Variants in STXBP5L observed in about 807,000 individuals in gnomAD.
STXBP5L encodes syntaxin binding protein 5L.
In STXBP5L, 65 loss-of-function variants were observed where a neutral mutation model predicts 144.5. The ratio of observed to expected loss-of-function variants is 0.45; its 90% CI spans 0.37 to 0.55. The LOEUF is 0.55. Ranked by LOEUF, STXBP5L falls within the 20% of genes least tolerant of loss-of-function variation. STXBP5L has a pLI of 0.00. For synonymous variants in STXBP5L, 505 were observed against 469.6 expected (o/e 1.08, Z -0.97); for missense variants, 1,298 against 1,405.5 (o/e 0.92, Z 1.22).
chr3:121,382,228 T>C lies in STXBP5L; in HGVS notation c.2587+696T>C, dbSNP rs549733569. Among the ~76,000 whole-genome samples, 6 of 152,132 alleles carry C rather than the reference T, an allele frequency of 3.9e-5. No homozygotes were observed. In the East Asian group the frequency reaches 9.7e-4, roughly 24 times the overall value. On this transcript the variant is annotated intron_variant, in intron 22 of 26. Transcript: ENST00000471454. ...TTCAGATAGTTTTTAAGTCAAAAAA[T>C]TTCATTACTCTGCAGGATAAGGGTT...
chr3:121,097,430 G>A (rs1157937985), intron 5 of STXBP5L, among the ~76,000 whole-genome samples: 1 of 152,222 alleles, frequency 6.6e-6, no homozygotes, highest in Non-Finnish European at 1.5e-5. Context: ...GAAACCCAGG[G>A]CCCTGGTGGG....
At chr3:121,066,646 C>T (rs908694644) in intron 5 of STXBP5L, among the ~76,000 whole-genome samples, 1 of 152,012 alleles carries the variant, frequency 6.6e-6, no homozygotes, top group East Asian at 1.9e-4. Context: ...AGATTTTAAT[C>T]TCTATGTTCA....
chr3:121,398,409 G>A (rs957001979), intron 22 of STXBP5L, among the ~76,000 whole-genome samples: 1 of 152,188 alleles, frequency 6.6e-6, no homozygotes, highest in East Asian at 1.9e-4. Context: ...AGGGGTGAGG[G>A]AATGGCCTGA....
chr3:120,999,671 A>G (rs1163361675), intron 3 of STXBP5L, among the ~76,000 whole-genome samples: 2 of 152,116 alleles, frequency 1.3e-5, no homozygotes, highest in African/African-American at 4.8e-5. Flanking sequence ...TTATAGCGTC[A>G]ATGGTCTGTG....
At chr3:121,269,485 G>C (rs2050673912) in intron 18 of STXBP5L, among the ~76,000 whole-genome samples, 1 of 151,912 alleles carries the variant, frequency 6.6e-6, no homozygotes, top group African/African-American at 2.4e-5. Context: ...TCAGAACAAA[G>C]ATAGTTTATT....
intron 9 of STXBP5L, among the ~76,000 whole-genome samples, chr3:121,181,779 AAAC>A (rs2047165573): frequency 6.6e-6 from 1 of 151,906 alleles, no homozygotes; most frequent in African/African-American, 2.4e-5. Context: ...AACAAACAAA[AAAC>A]AACCAAGTGT....
chr3:121,088,112 G>A (rs997860875), intron 5 of STXBP5L, among the ~76,000 whole-genome samples: 5 of 151,590 alleles, frequency 3.3e-5, no homozygotes, highest in African/African-American at 1.2e-4. Flanking sequence ...AAACTAAAGA[G>A]CTTCTGCACA....
intron 16 of STXBP5L, among the ~76,000 whole-genome samples, chr3:121,256,701 A>G (rs1242303362): frequency 6.6e-6 from 1 of 151,942 alleles, no homozygotes; most frequent in Non-Finnish European, 1.5e-5. Context: ...TCATACACAC[A>G]CAAACATACA....
chr3:121,347,391 C>T (rs1053169194), intron 20 of STXBP5L, among the ~76,000 whole-genome samples: 5 of 152,156 alleles, frequency 3.3e-5, no homozygotes, highest in African/African-American at 9.7e-5. Flanking sequence ...TAGCTTGATG[C>T]CTCCAGCTTT....
intron 19 of STXBP5L, among the ~76,000 whole-genome samples, chr3:121,300,592 T>C (rs1273074311): frequency 6.6e-6 from 1 of 151,912 alleles, no homozygotes; most frequent in East Asian, 1.9e-4. Flanking sequence ...AACAAATAGA[T>C]GCACATTATA....
At chr3:121,355,392 C>T (rs1421977120) in intron 20 of STXBP5L, among the ~76,000 whole-genome samples, 5 of 151,966 alleles carry the variant, frequency 3.3e-5, no homozygotes, top group Non-Finnish European at 7.4e-5. Context: ...TTTCTTTTTA[C>T]TCGTTTTTCT....
chr3:121,233,481 T>C (rs2049372059), intron 11 of STXBP5L, 135 bp from the exon 12 acceptor site: 1 of 535,776 alleles, frequency 1.9e-6, no homozygotes, highest in South Asian at 3.8e-5. Flanking sequence ...TCTTTGTTAC[T>C]TCTTACTTTG....
chr3:121,402,522 C>T (rs1036682126), intron 22 of STXBP5L, among the ~76,000 whole-genome samples: 1 of 152,220 alleles, frequency 6.6e-6, no homozygotes, highest in Middle Eastern at 3.4e-3. Flanking sequence ...TTCTTTCATG[C>T]ATTGTCAACT....
At chr3:121,247,761 T>C (rs1323396973) in intron 14 of STXBP5L, among the ~76,000 whole-genome samples, 1 of 152,208 alleles carries the variant, frequency 6.6e-6, no homozygotes, top group Non-Finnish European at 1.5e-5. Flanking sequence ...CCATTGTAAA[T>C]AGCATGGCAA....
intron 5 of STXBP5L, among the ~76,000 whole-genome samples, chr3:121,098,283 C>A (rs1576948895): frequency 1.3e-5 from 2 of 152,118 alleles, no homozygotes; most frequent in Admixed American, 6.5e-5. Context: ...CTGGTGAGCA[C>A]CTCTGAAAGC....
intron 7 of STXBP5L, among the ~76,000 whole-genome samples, chr3:121,142,376 G>A (rs185062738): frequency 6.6e-5 from 10 of 151,968 alleles, no homozygotes; most frequent in East Asian, 1.9e-4. Context: ...AGGAATCAGC[G>A]GGCTTCAATA....
chr3:121,022,024 G>T (rs1298180521), intron 3 of STXBP5L, among the ~76,000 whole-genome samples: 5 of 151,992 alleles, frequency 3.3e-5, no homozygotes, highest in Admixed American at 3.3e-4. Flanking sequence ...CCATTAGCAA[G>T]ATTAACCAAG....
chr3:121,195,199 C>G (rs552186912), intron 9 of STXBP5L, among the ~76,000 whole-genome samples: 1 of 152,020 alleles, frequency 6.6e-6, no homozygotes, highest in Non-Finnish European at 1.5e-5. Flanking sequence ...GCTGGGATTA[C>G]AGGTGTGAGC....
intron 11 of STXBP5L, among the ~76,000 whole-genome samples, chr3:121,227,864 C>T (rs1420328238): frequency 6.6e-6 from 1 of 152,078 alleles, no homozygotes; most frequent in African/African-American, 2.4e-5. Flanking sequence ...GGAAGTTAAA[C>T]ACCATTCATA....
Sources: gnomAD v4.1 joint callset for allele counts (sites outside exome capture counted in the v4.1 genomes callset) on GRCh38, gnomAD v4.1.1 for gene constraint, MANE v1.5 for transcripts, NCBI Gene and HGNC (gene_info 2026-07-23, HGNC 2026-07-21) for gene names.